Variants in ZNF215 observed in about 807,000 individuals in gnomAD.
The protein encoded by ZNF215 is zinc finger protein 215.
Under a neutral mutation model 27.2 loss-of-function variants are expected in ZNF215, and 24 were observed. The observed-to-expected ratio is 0.88, with a 90% CI of 0.64 to 1.24. ZNF215 has a LOEUF of 1.24. Ranked by LOEUF, ZNF215 falls within the 50% of genes most tolerant of loss-of-function variation. The pLI is 0.00. For missense variants in ZNF215, 675 were observed against 605.7 expected (o/e 1.11, Z -1.20); for synonymous variants, 210 against 204.0 (o/e 1.03, Z -0.25).
intron 5 of ZNF215, among the ~76,000 whole-genome samples, chr11:6,975,944 G>C (rs909792961): frequency 1.3e-5 from 2 of 152,082 alleles, no homozygotes; most frequent in Admixed American, 6.6e-5. Context: ...CATAGTGGCT[G>C]TACTAATTTA....
downstream of ZNF215, among the ~76,000 whole-genome samples, chr11:6,984,938 AC>A (rs1554947520): frequency 6.6e-6 from 1 of 152,152 alleles, no homozygotes; most frequent in Non-Finnish European, 1.5e-5. Context: ...TGCACTGGTC[AC>A]GATGGATTCA....
At chr11:6,966,830 C>T (rs1020692955) in intron 5 of ZNF215, among the ~76,000 whole-genome samples, 1 of 151,476 alleles carries the variant, frequency 6.6e-6, no homozygotes, top group Non-Finnish European at 1.5e-5. Flanking sequence ...ATTTATTACA[C>T]TTTAAGTTCT....
At chr11:6,937,878 G>A (rs1459703410) in intron 3 of ZNF215, among the ~76,000 whole-genome samples, 1 of 151,660 alleles carries the variant, frequency 6.6e-6, no homozygotes, top group African/African-American at 2.4e-5. Context: ...AAATATAAGA[G>A]CCAAAATCAT....
At chr11:6,987,460 AAACTTCAGTATCATGT>A (rs1413381269), downstream of ZNF215, among the ~76,000 whole-genome samples, 9 of 152,250 alleles carry the variant, frequency 5.9e-5, no homozygotes, top group African/African-American at 2.2e-4. Context: ...TTTGTGCTCC[AAACTTCAGTATCATGT>A]AACATACATT....
chr11:6,988,166 C>G, downstream of ZNF215: 1 of 983,422 alleles, frequency 1.0e-6, no homozygotes, highest in Non-Finnish European at 1.2e-6. Context: ...GTTCAATTAC[C>G]TTGTAGAGAA....
At chr11:6,963,589 T>TA (rs1255706057) in intron 5 of ZNF215, among the ~76,000 whole-genome samples, 1 of 152,070 alleles carries the variant, frequency 6.6e-6, no homozygotes, top group Non-Finnish European at 1.5e-5. Context: ...TAAAAAAAGT[T>TA]ACAAATATAT....
At chr11:6,976,573 A>G (rs1850838569) in intron 5 of ZNF215, among the ~76,000 whole-genome samples, 1 of 152,058 alleles carries the variant, frequency 6.6e-6, no homozygotes, top group Non-Finnish European at 1.5e-5. Context: ...AGACAAAGGA[A>G]ACTTGGAGGA....
chr11:6,978,137 A>G (rs1200483285), intron 5 of ZNF215, among the ~76,000 whole-genome samples: 2 of 152,070 alleles, frequency 1.3e-5, no homozygotes, highest in African/African-American at 4.8e-5. Context: ...AATGTAGGTA[A>G]AACAGTGTTC....
At chr11:6,980,489 A>G (rs946887956) in intron 5 of ZNF215, among the ~76,000 whole-genome samples, 60 of 152,084 alleles carry the variant, frequency 3.9e-4, no homozygotes, top group African/African-American at 1.4e-3. Context: ...GAATTATTAA[A>G]CAGTTTAATA....
intron 5 of ZNF215, among the ~76,000 whole-genome samples, chr11:6,982,641 T>C (rs1311851204): frequency 2.6e-5 from 4 of 151,734 alleles, no homozygotes; most frequent in African/African-American, 7.3e-5. Context: ...ACTGAACAAC[T>C]TGCTCCTGAA....
intron 5 of ZNF215, among the ~76,000 whole-genome samples, chr11:6,967,088 G>A (rs1850636705): frequency 6.6e-6 from 1 of 152,012 alleles, no homozygotes; most frequent in African/African-American, 2.4e-5. Context: ...GTGTTAGTTT[G>A]CTGAGAATGA....
intron 5 of ZNF215, among the ~76,000 whole-genome samples, chr11:6,971,320 G>A (rs558096529): frequency 3.9e-5 from 6 of 152,166 alleles, no homozygotes; most frequent in East Asian, 3.9e-4. Flanking sequence ...ATCATATCTC[G>A]TTCTATGAGA....
chr11:6,972,914 T>TC (rs925977712), intron 5 of ZNF215, among the ~76,000 whole-genome samples: 3 of 151,678 alleles, frequency 2.0e-5, no homozygotes, highest in African/African-American at 7.2e-5. Context: ...TTTTTTAATT[T>TC]TTTTTATTAT....
At chr11:6,948,489 A>G (rs1849909476) in intron 6 of ZNF215, among the ~76,000 whole-genome samples, 1 of 152,212 alleles carries the variant, frequency 6.6e-6, no homozygotes, top group East Asian at 1.9e-4. Flanking sequence ...GGACTCCAGT[A>G]TAAATATTAG....
At position 6,926,700 on chromosome 11, in the gene ZNF215, G is replaced by C. The variant is rs1309659055; in HGVS notation, c.-326+15G>C. On this transcript the variant is annotated intron_variant, in intron 1 of 6. Transcript: ENST00000278319. ...AACTGGCGCTTGTGAGTGACTGAACGGGCCACTGGAGAGGAGCGGTGCTCA... is the reference window on the plus strand; with the variant it reads ...AACTGGCGCTTGTGAGTGACTGAACCGGCCACTGGAGAGGAGCGGTGCTCA... 1 of 152,214 alleles carries C rather than the reference G, an allele frequency of 6.6e-6. No individual in the cohort carries two copies. The highest frequency in any genetic ancestry group is 1.5e-5 in the Non-Finnish European group (1 of 68,114). 9.4% of individuals were successfully genotyped at this position (152,214 alleles called of 1,614,324 possible). A position where few individuals can be genotyped will look rare whatever the true frequency, so the allele number is the denominator to read the frequency against.
chr11:6,979,840 TG>T (rs1389140486), intron 5 of ZNF215, among the ~76,000 whole-genome samples: 1 of 152,172 alleles, frequency 6.6e-6, no homozygotes, highest in East Asian at 1.9e-4. Context: ...GGACTGGGGA[TG>T]GGGGCAAGAA....
chr11:6,989,904 C>G (rs540343892), downstream of ZNF215, among the ~76,000 whole-genome samples: 30 of 152,238 alleles, frequency 2.0e-4, 1 homozygote, highest in African/African-American at 6.7e-4. Context: ...AATGCTCAGA[C>G]CTAGCAGCAG....
downstream of ZNF215, among the ~76,000 whole-genome samples, chr11:6,989,908 G>T (rs1423702486): frequency 2.0e-5 from 3 of 152,184 alleles, no homozygotes; most frequent in Non-Finnish European, 4.4e-5. Context: ...CTCAGACCTA[G>T]CAGCAGAAAC....
At chr11:6,951,251 A>G (rs1406444659) in intron 6 of ZNF215, among the ~76,000 whole-genome samples, 2 of 151,942 alleles carry the variant, frequency 1.3e-5, no homozygotes. Flanking sequence ...GCCTCATAAA[A>G]TGAGTTAGGG....
Sources: allele counts gnomAD v4.1 joint callset (sites outside exome capture counted in the v4.1 genomes callset), GRCh38; gene constraint gnomAD v4.1.1; transcripts MANE v1.5; gene names NCBI Gene and HGNC (gene_info 2026-07-23, HGNC 2026-07-21).